Variants in CHIA observed in about 807,000 individuals in gnomAD.
The protein encoded by CHIA is acidic mammalian chitinase.
Under a neutral mutation model 53.5 loss-of-function variants are expected in CHIA, and 47 were observed. The observed-to-expected ratio is 0.88, with a 90% CI of 0.70 to 1.12. The LOEUF (loss-of-function observed/expected upper bound fraction) is 1.12. CHIA is among the 50% of genes most tolerant of loss of function. CHIA has a pLI of 0.00. For synonymous variants in CHIA, 268 were observed against 222.2 expected (o/e 1.21, Z -1.83); for missense variants, 652 against 592.2 (o/e 1.10, Z -1.05).
chr1:111,313,734 T>C (rs1257507307), intron 4 of CHIA, among the ~76,000 whole-genome samples: 6 of 152,258 alleles, frequency 3.9e-5, no homozygotes, highest in Non-Finnish European at 7.4e-5. Flanking sequence ...TCTTGGAGCT[T>C]TTTTTTAAGG....
At chr1:111,310,870 C>A (rs1168087281) in intron 2 of CHIA, among the ~76,000 whole-genome samples, 1 of 152,186 alleles carries the variant, frequency 6.6e-6, no homozygotes, top group Non-Finnish European at 1.5e-5. Context: ...CTTGGACTAG[C>A]TTTTCTGGGG....
At chr1:111,303,490 CAT>C (rs1647929719) in intron 1 of CHIA, among the ~76,000 whole-genome samples, 1 of 151,954 alleles carries the variant, frequency 6.6e-6, no homozygotes, top group Non-Finnish European at 1.5e-5. Context: ...TATACACACA[CAT>C]ATGAATACAC....
intron 1 of CHIA, among the ~76,000 whole-genome samples, chr1:111,306,238 G>C (rs970381499): frequency 6.6e-6 from 1 of 152,134 alleles, no homozygotes; most frequent in East Asian, 1.9e-4. Flanking sequence ...AAGCGTAAAA[G>C]GCCAAGAAAA....
chr1:111,293,289 G>A (rs1184158403), intron 1 of CHIA, among the ~76,000 whole-genome samples: 4 of 152,130 alleles, frequency 2.6e-5, no homozygotes, highest in Non-Finnish European at 5.9e-5. Flanking sequence ...TGGATATGAG[G>A]TGATGTCTCA....
intron 6 of CHIA, chr1:111,316,022 T>C (rs532293592): frequency 3.1e-6 from 1 of 321,222 alleles, no homozygotes; most frequent in East Asian, 8.2e-5. Context: ...GTCTGCAGAG[T>C]ACAAAAGTAA....
chr1:111,315,364 T>C lies in CHIA; in HGVS notation c.409T>C (p.Phe137Leu), dbSNP rs765011235. 2 of 1,613,998 alleles carry C rather than the reference T, an allele frequency of 1.2e-6. No homozygotes were observed. The highest frequency in any genetic ancestry group is 1.3e-5 in the African/African-American group (1 of 74,926). Residue 137 changes from phenylalanine to leucine, a missense_variant, in exon 6 of 12, where the codon TTT becomes CTT. Transcript: ENST00000369740. Reference sequence around the variant, plus strand: ...CCAGTATGAGTTTGACGGGCTGGACTTTGACTGGGAGTACCCTGGCTCTCG... The same window carrying C: ...CCAGTATGAGTTTGACGGGCTGGACCTTGACTGGGAGTACCCTGGCTCTCG... ...LRQYEFDGLDFDWEYPGSRGS... is the reference protein window; with the variant it reads ...LRQYEFDGLDLDWEYPGSRGS...
At chr1:111,319,728 A>T (rs1192212432) in intron 11 of CHIA, among the ~76,000 whole-genome samples, 1 of 152,208 alleles carries the variant, frequency 6.6e-6, no homozygotes, top group Non-Finnish European at 1.5e-5. Flanking sequence ...TCAAGAAATT[A>T]TACTAACATC....
intron 1 of CHIA, among the ~76,000 whole-genome samples, chr1:111,307,595 TG>T (rs1648285628): frequency 6.6e-6 from 1 of 151,980 alleles, no homozygotes; most frequent in South Asian, 2.1e-4. Context: ...TCAAAGTTAA[TG>T]TTATTTTTTA....
At chr1:111,318,780 A>C in intron 9 of CHIA, 102 bp downstream of exon 9, 1 of 1,309,730 alleles carries the variant, frequency 7.6e-7, no homozygotes, top group Non-Finnish European at 1.1e-6. Flanking sequence ...TCCTACCTAA[A>C]TGCTTTAAAC....
intron 1 of CHIA, among the ~76,000 whole-genome samples, chr1:111,301,086 G>A (rs1647684729): frequency 6.6e-6 from 1 of 152,182 alleles, no homozygotes; most frequent in Admixed American, 6.5e-5. Context: ...AACAACAGAT[G>A]CTGGAGAGGA....
At chr1:111,291,970 A>T (rs2101592047) in intron 1 of CHIA, among the ~76,000 whole-genome samples, 2 of 152,274 alleles carry the variant, frequency 1.3e-5, no homozygotes, top group Admixed American at 1.3e-4. Context: ...CGTCCTGCAC[A>T]TGTATCACGG....
chr1:111,319,290 A>G, intron 10 of CHIA, 37 bp from the exon 11 acceptor site: 1 of 1,614,050 alleles, frequency 6.2e-7, no homozygotes, highest in Non-Finnish European at 8.5e-7. Context: ...AGTCCCAGGA[A>G]AGCAAGTGAT....
chr1:111,301,488 A>G (rs1324734015), intron 1 of CHIA, among the ~76,000 whole-genome samples: 1 of 152,052 alleles, frequency 6.6e-6, no homozygotes, highest in Non-Finnish European at 1.5e-5. Context: ...TCACGAGGTC[A>G]GGAGATCAAG....
chr1:111,315,695 G>C (rs1359610388), intron 6 of CHIA: 1 of 539,044 alleles, frequency 1.9e-6, no homozygotes, highest in Non-Finnish European at 3.5e-6. Flanking sequence ...TTTACTCTAT[G>C]GCATACATAC....
chr1:111,296,626 C>T (rs761303726), intron 1 of CHIA, among the ~76,000 whole-genome samples: 15 of 152,160 alleles, frequency 9.9e-5, no homozygotes, highest in Admixed American at 1.3e-4. Flanking sequence ...TAAAACAGAG[C>T]AGAAAAGCTG....
rs532136924 is a variant in CHIA at position 111,295,731 on chromosome 1, G to A, written c.-69+4781G>A. On this transcript the variant is annotated intron_variant, in intron 1 of 11. Transcript: ENST00000369740. ...GGTTGGACAGTGGGTGCAGCCCACG[G>A]AGGGTGAGCCAAAGCAGGGTGGGGC... Among the ~76,000 whole-genome samples, 118 of 152,262 alleles carry A rather than the reference G, an allele frequency of 7.7e-4. 1 individual carries two copies. Among genetic ancestry groups the A allele is most frequent in the South Asian group, 6.9e-3 (33 of 4,812 alleles).
chr1:111,317,851 G>T, intron 7 of CHIA, 46 bp downstream of exon 7: 1 of 1,613,152 alleles, frequency 6.2e-7, no homozygotes, highest in South Asian at 1.1e-5. Context: ...TGTCACTCGG[G>T]CACACTAGAC....
At chr1:111,300,588 A>T (rs1410787703) in intron 1 of CHIA, among the ~76,000 whole-genome samples, 2 of 152,152 alleles carry the variant, frequency 1.3e-5, no homozygotes, top group Non-Finnish European at 2.9e-5. Context: ...TATTCAAGAC[A>T]GATTAAAGAC....
At chr1:111,306,226 G>A (rs1648174932) in intron 1 of CHIA, among the ~76,000 whole-genome samples, 1 of 152,114 alleles carries the variant, frequency 6.6e-6, no homozygotes, top group Non-Finnish European at 1.5e-5. Context: ...AAACTAAAAT[G>A]AAAGCGTAAA....
Sources: allele counts gnomAD v4.1 joint callset (sites outside exome capture counted in the v4.1 genomes callset), GRCh38; gene constraint gnomAD v4.1.1; transcripts MANE v1.5; gene names NCBI Gene and HGNC (gene_info 2026-07-23, HGNC 2026-07-21).